The following KCNMA1 variants were observed in gnomAD, a reference collection of about 807,000 sequenced individuals.
The protein encoded by KCNMA1 is potassium calcium-activated channel subfamily M alpha 1, also known as Calcium-activated potassium channel subunit alpha-1.
Under a neutral mutation model 140.0 loss-of-function variants are expected in KCNMA1, and 29 were observed. That is an observed-to-expected ratio of 0.21 (90% CI 0.15 to 0.28). The LOEUF (loss-of-function observed/expected upper bound fraction) is 0.28. Ranked by LOEUF, KCNMA1 falls within the 10% of genes least tolerant of loss-of-function variation. The pLI is 1.00. For synonymous variants in KCNMA1, 612 were observed against 611.9 expected, an observed-to-expected ratio of 1.00 and a Z score of 0.00; for missense variants, 880 against 1,602.2, an observed-to-expected ratio of 0.55 and a Z score of 7.70.
At chr10:77,329,513 T>C (rs1948746) in intron 2 of KCNMA1, among the ~76,000 whole-genome samples, 27,178 of 152,158 alleles carry the variant, frequency 0.18, 2,603 homozygotes, top group East Asian at 0.33. Context: ...TGGCATCAGT[T>C]AGCACCTTGA....
chr10:77,602,540 T>C (rs1314256239), intron 1 of KCNMA1, among the ~76,000 whole-genome samples: 1 of 152,194 alleles, frequency 6.6e-6, no homozygotes, highest in East Asian at 1.9e-4. Flanking sequence ...GAGTAAATTT[T>C]ATAGCATGTG....
At chr10:77,475,229 A>C (rs2098252579) in intron 1 of KCNMA1, among the ~76,000 whole-genome samples, 1 of 152,214 alleles carries the variant, frequency 6.6e-6, no homozygotes, top group Non-Finnish European at 1.5e-5. Context: ...GGACAAGGAC[A>C]GGTGGGTGCC....
At chr10:77,333,439 GAGA>G (rs2087484500) in intron 2 of KCNMA1, among the ~76,000 whole-genome samples, 1 of 151,192 alleles carries the variant, frequency 6.6e-6, no homozygotes, top group Non-Finnish European at 1.5e-5. Context: ...GAAAAGAAAA[GAGA>G]AGAAAAGAAA....
At chr10:76,876,070 G>A (rs2032328417), downstream of KCNMA1, 2 of 152,584 alleles carry the variant, frequency 1.3e-5, no homozygotes, top group Admixed American at 1.3e-4. Flanking sequence ...GCAGGGAGTG[G>A]ACAGAGGTGG....
chr10:77,577,112 T>TC (rs1008083537), intron 1 of KCNMA1, among the ~76,000 whole-genome samples: 1 of 151,404 alleles, frequency 6.6e-6, no homozygotes, highest in African/African-American at 2.4e-5. Flanking sequence ...TTTTTTTCTT[T>TC]CCTCGGCTCA....
intron 5 of KCNMA1, among the ~76,000 whole-genome samples, chr10:77,152,269 TTTTTGCTTTTG>T (rs1415549632): frequency 2.2e-5 from 3 of 137,714 alleles, no homozygotes; most frequent in Non-Finnish European, 4.5e-5. Flanking sequence ...CTCTTCTGTT[TTTTTGCTTTTG>T]TGTGTGTGTG....
At chr10:77,003,836 T>C (rs993935205) in intron 18 of KCNMA1, among the ~76,000 whole-genome samples, 1 of 152,186 alleles carries the variant, frequency 6.6e-6, no homozygotes, top group African/African-American at 2.4e-5. Context: ...AAATAACTTT[T>C]GAAACTATTT....
chr10:77,205,143 A>T (rs2043666948), intron 3 of KCNMA1, among the ~76,000 whole-genome samples: 1 of 152,204 alleles, frequency 6.6e-6, no homozygotes, highest in South Asian at 2.1e-4. Flanking sequence ...GTTACTATGC[A>T]GTGGGCACAC....
chr10:77,101,595 G>A (rs571376224), intron 9 of KCNMA1, among the ~76,000 whole-genome samples: 7 of 152,148 alleles, frequency 4.6e-5, no homozygotes, highest in Non-Finnish European at 8.8e-5. Flanking sequence ...AGACATTGCT[G>A]AGGGGTTCAG....
chr10:77,479,427 C>T (rs1050971263), intron 1 of KCNMA1, among the ~76,000 whole-genome samples: 2 of 152,178 alleles, frequency 1.3e-5, no homozygotes, highest in South Asian at 2.1e-4. Flanking sequence ...TCCATCCTTA[C>T]CTTATCCAAA....
intron 18 of KCNMA1, among the ~76,000 whole-genome samples, chr10:77,004,082 T>C (rs2087502352): frequency 1.3e-5 from 2 of 152,160 alleles, no homozygotes; most frequent in Non-Finnish European, 2.9e-5. Context: ...AACTGTTAAT[T>C]ATAAGCAGTC....
At chr10:77,138,572 C>T (rs1397333679) in intron 5 of KCNMA1, among the ~76,000 whole-genome samples, 1 of 152,208 alleles carries the variant, frequency 6.6e-6, no homozygotes, top group Non-Finnish European at 1.5e-5. Flanking sequence ...CCCCCCAGGC[C>T]CCACCAGCAT....
chr10:77,472,154 ATATAT>A (rs150854826), intron 1 of KCNMA1, among the ~76,000 whole-genome samples: 7,561 of 151,472 alleles, frequency 0.05, 236 homozygotes, highest in Non-Finnish European at 0.061. Flanking sequence ...CATATCACAC[ATATAT>A]TATATATTCA....
At chr10:77,333,358 AAAAAAAG>A (rs71028269) in intron 2 of KCNMA1, among the ~76,000 whole-genome samples, 1 of 90,864 alleles carries the variant, frequency 1.1e-5, no homozygotes, top group Admixed American at 1.2e-4. Flanking sequence ...ACCAAAAAAA[AAAAAAAG>A]AAAAAAGAAA....
At chr10:77,161,550 T>C (rs1051295658) in intron 5 of KCNMA1, among the ~76,000 whole-genome samples, 2 of 152,176 alleles carry the variant, frequency 1.3e-5, no homozygotes, top group Non-Finnish European at 2.9e-5. Context: ...TGATGGAGTT[T>C]TAATAGTAGT....
At chr10:77,397,062 A>G (rs2096078956) in intron 2 of KCNMA1, among the ~76,000 whole-genome samples, 1 of 152,198 alleles carries the variant, frequency 6.6e-6, no homozygotes, top group Non-Finnish European at 1.5e-5. Flanking sequence ...CTAGGGAGAC[A>G]GTTGCTGTGA....
intron 1 of KCNMA1, among the ~76,000 whole-genome samples, chr10:77,436,957 TACACACACACACACACACACACACAC>T (rs10536103): frequency 7.4e-6 from 1 of 134,762 alleles, no homozygotes; most frequent in African/African-American, 2.8e-5. Context: ...CTTCTTTCTT[TACACACACACACACACACACACACAC>T]ACACACACAC....
At chr10:77,093,285 T>G (rs891888191) in intron 9 of KCNMA1, among the ~76,000 whole-genome samples, 1 of 152,192 alleles carries the variant, frequency 6.6e-6, no homozygotes, top group African/African-American at 2.4e-5. Flanking sequence ...CGAGATTGAT[T>G]GAAAGCAGAT....
intron 2 of KCNMA1, among the ~76,000 whole-genome samples, chr10:77,313,052 G>T (rs953071208): frequency 1.1e-4 from 17 of 152,166 alleles, no homozygotes; most frequent in African/African-American, 4.1e-4. Context: ...AGGACTTCCT[G>T]TTGCCAGTGG....
Sources: gnomAD v4.1 joint callset for allele counts (sites outside exome capture counted in the v4.1 genomes callset) on GRCh38, gnomAD v4.1.1 for gene constraint, MANE v1.5 for transcripts, NCBI Gene and HGNC (gene_info 2026-07-23, HGNC 2026-07-21) for gene names.